Variants in LAMA2 observed in about 807,000 individuals in gnomAD.
LAMA2 encodes laminin subunit alpha 2, also known as laminin subunit alpha-2.
LAMA2 carries 269 observed loss-of-function variants against 364.8 expected under a neutral mutation model. That is an observed-to-expected ratio of 0.74 (90% confidence interval 0.67 to 0.82). The LOEUF is 0.82. LAMA2 is among the 40% of genes least tolerant of loss of function. LAMA2 has a pLI of 0.00. For synonymous variants in LAMA2, 1,379 were observed against 1,370.6 expected (o/e 1.01, Z -0.14); for missense variants, 3,807 against 3,873.2 (o/e 0.98, Z 0.45).
intron 62 of LAMA2, 61 bp from the exon 63 acceptor site, chr6:129,512,302 A>T: frequency 6.8e-7 from 1 of 1,479,596 alleles, no homozygotes; most frequent in South Asian, 1.1e-5. Context: ...TGCATTGTAC[A>T]CGTTTGAATT....
At chr6:129,330,910 C>A (rs1775612106) in intron 29 of LAMA2, among the ~76,000 whole-genome samples, 1 of 151,764 alleles carries the variant, frequency 6.6e-6, no homozygotes, top group African/African-American at 2.4e-5. Context: ...GCTCTGTCAC[C>A]CAGGCTGGAG....
chr6:129,303,642 T>A (rs1773682224), intron 22 of LAMA2, among the ~76,000 whole-genome samples: 1 of 152,206 alleles, frequency 6.6e-6, no homozygotes, highest in South Asian at 2.1e-4. Context: ...TTTTGTTAAA[T>A]GACTTTTCTG....
intron 49 of LAMA2, among the ~76,000 whole-genome samples, chr6:129,463,661 G>A (rs1783383561): frequency 1.3e-5 from 2 of 151,912 alleles, no homozygotes; most frequent in Admixed American, 6.6e-5. Flanking sequence ...TCTCTGTGAG[G>A]CAATTTGCTA....
intron 3 of LAMA2, among the ~76,000 whole-genome samples, chr6:129,096,711 A>G (rs1283876864): frequency 6.6e-6 from 1 of 152,160 alleles, no homozygotes; most frequent in Non-Finnish European, 1.5e-5. Context: ...GTGATTTGTC[A>G]ACAAGTACAG....
chr6:129,057,585 T>C (rs528236690), intron 2 of LAMA2, among the ~76,000 whole-genome samples: 1 of 152,216 alleles, frequency 6.6e-6, no homozygotes, highest in African/African-American at 2.4e-5. Context: ...ATTTTTTCTC[T>C]GAAAATTATG....
At position 129,164,827 on chromosome 6, in the gene LAMA2, T is replaced by A. The variant is rs539516427; in HGVS notation, c.1207-749T>A. On this transcript the variant is annotated intron_variant, in intron 8 of 64. Coordinates refer to ENST00000421865, the MANE Select transcript of LAMA2 (RefSeq NM_000426.4). The stretch of plus-strand genomic sequence containing the variant: ...GTTATGCAAATTTTGTGAATTGCAG[T>A]TTAACAGCTAAAGAATTTATCTCTA... 1.0e-3 allele frequency among the ~76,000 whole-genome samples: 155 copies of A among 152,272 alleles called. 1 individual carries two copies. The highest frequency in any genetic ancestry group is 1.9e-3 in the South Asian group (9 of 4,824).
intron 1 of LAMA2, among the ~76,000 whole-genome samples, chr6:128,887,887 A>ACAAAG (rs1435244335): frequency 6.6e-6 from 1 of 152,064 alleles, no homozygotes; most frequent in Non-Finnish European, 1.5e-5. Flanking sequence ...ACAAAACAAA[A>ACAAAG]CAAAACAAAA....
intron 33 of LAMA2, 30 bp from the exon 34 acceptor site, chr6:129,369,862 A>C (rs1403929398): frequency 6.3e-7 from 1 of 1,593,410 alleles, no homozygotes. Context: ...CCATTTACTA[A>C]AAATGTTTAT....
At chr6:129,282,416 T>C (rs909805051) in intron 18 of LAMA2, among the ~76,000 whole-genome samples, 4 of 152,192 alleles carry the variant, frequency 2.6e-5, no homozygotes, top group Admixed American at 2.0e-4. Flanking sequence ...ATGTGGGAAC[T>C]GTGAGGTCTT....
At chr6:129,465,617 G>A (rs914234602) in intron 51 of LAMA2, among the ~76,000 whole-genome samples, 2 of 151,848 alleles carry the variant, frequency 1.3e-5, no homozygotes, top group African/African-American at 4.8e-5. Flanking sequence ...TTGTCAAGAT[G>A]TTTCCTTTAA....
At chr6:129,296,451 C>T (rs1773184130) in intron 20 of LAMA2, among the ~76,000 whole-genome samples, 1 of 151,888 alleles carries the variant, frequency 6.6e-6, no homozygotes, top group Non-Finnish European at 1.5e-5. Flanking sequence ...ATAAAACCAA[C>T]AGTAAATGTA....
intron 8 of LAMA2, 103 bp from the exon 9 acceptor site, chr6:129,165,473 G>T (rs1485730813): frequency 5.6e-6 from 4 of 709,012 alleles, no homozygotes; most frequent in Non-Finnish European, 1.0e-5. Context: ...ATAATTTGCT[G>T]CTCTGTATTA....
chr6:128,922,874 T>C (rs1297417024), intron 1 of LAMA2, among the ~76,000 whole-genome samples: 1 of 152,100 alleles, frequency 6.6e-6, no homozygotes, highest in Non-Finnish European at 1.5e-5. Flanking sequence ...CCATCTTGAA[T>C]TGATTTTTGT....
At chr6:129,218,691 G>A (rs1783587497) in intron 12 of LAMA2, among the ~76,000 whole-genome samples, 2 of 152,114 alleles carry the variant, frequency 1.3e-5, no homozygotes, top group South Asian at 4.1e-4. Flanking sequence ...GAATTATGGT[G>A]ATCTAAATAT....
chr6:129,402,065 T>G (rs946787003), intron 38 of LAMA2, among the ~76,000 whole-genome samples: 3 of 151,804 alleles, frequency 2.0e-5, no homozygotes. Flanking sequence ...AAAAATTAGC[T>G]GGGTGTGGTG....
chr6:129,112,298 T>A (rs1776204359), intron 4 of LAMA2, among the ~76,000 whole-genome samples: 1 of 151,964 alleles, frequency 6.6e-6, no homozygotes, highest in African/African-American at 2.4e-5. Context: ...TTTCAGTGGT[T>A]ATTTCAGTTA....
At chr6:128,930,123 G>A (rs1779371890) in intron 1 of LAMA2, 2 of 273,800 alleles carry the variant, frequency 7.3e-6, no homozygotes, top group Non-Finnish European at 1.3e-5. Context: ...CGCCGCGCCC[G>A]GCAGCTACAG....
intron 3 of LAMA2, among the ~76,000 whole-genome samples, chr6:129,094,505 G>A (rs2114865955): frequency 6.6e-6 from 1 of 152,284 alleles, no homozygotes; most frequent in Admixed American, 6.5e-5. Flanking sequence ...AGCCAACACA[G>A]GAGCTATGAA....
chr6:129,086,073 T>C (rs1387722399), intron 3 of LAMA2, among the ~76,000 whole-genome samples: 1 of 152,198 alleles, frequency 6.6e-6, no homozygotes, highest in African/African-American at 2.4e-5. Context: ...AAATTTAGGG[T>C]GAAGGCTAAA....
Sources: allele counts gnomAD v4.1 joint callset (sites outside exome capture counted in the v4.1 genomes callset), GRCh38; gene constraint gnomAD v4.1.1; transcripts MANE v1.5; gene names NCBI Gene and HGNC (gene_info 2026-07-23, HGNC 2026-07-21).